The following PRKN variants were observed in gnomAD, a reference collection of about 807,000 sequenced individuals.
The protein encoded by PRKN is E3 ubiquitin-protein ligase parkin.
Under a neutral mutation model 59.5 loss-of-function variants are expected in PRKN, and 56 were observed. The ratio of observed to expected loss-of-function variants is 0.94; its 90% CI spans 0.76 to 1.18. The LOEUF (loss-of-function observed/expected upper bound fraction) is 1.18. Among genes scored for constraint, PRKN ranks in the 50% most tolerant of loss-of-function variants. The pLI is 0.00. For missense variants in PRKN, 657 were observed against 596.4 expected (o/e 1.10, Z -1.06); for synonymous variants, 250 against 222.1 (o/e 1.13, Z -1.12).
intron 2 of PRKN, among the ~76,000 whole-genome samples, chr6:162,323,040 G>T (rs4351229): frequency 0.082 from 10,979 of 134,654 alleles, 454 homozygotes; most frequent in East Asian, 0.12. Flanking sequence ...ATGGACACAG[G>T]CAGGGGAATA....
At chr6:162,568,295 G>A (rs1247534711) in intron 1 of PRKN, 3 of 270,344 alleles carry the variant, frequency 1.1e-5, no homozygotes, top group Admixed American at 4.5e-5. Flanking sequence ...AAAAGCTTCT[G>A]CACAGTGACC....
intron 4 of PRKN, among the ~76,000 whole-genome samples, chr6:162,063,870 T>C (rs1350734735): frequency 1.3e-5 from 2 of 152,184 alleles, no homozygotes; most frequent in African/African-American, 4.8e-5. Flanking sequence ...ACGTTAAACA[T>C]ATAGTTAAAC....
chr6:162,297,625 A>G (rs929538367), intron 2 of PRKN, among the ~76,000 whole-genome samples: 1 of 152,186 alleles, frequency 6.6e-6, no homozygotes, highest in Non-Finnish European at 1.5e-5. Context: ...TAACATGAAC[A>G]CATTTAATCT....
intron 6 of PRKN, among the ~76,000 whole-genome samples, chr6:161,875,816 C>T (rs1794712199): frequency 6.6e-6 from 1 of 152,114 alleles, no homozygotes; most frequent in Non-Finnish European, 1.5e-5. Context: ...AGGATCTTGA[C>T]CTCGAACTCA....
intron 4 of PRKN, among the ~76,000 whole-genome samples, chr6:162,143,574 G>A (rs924222537): frequency 6.6e-6 from 1 of 152,144 alleles, no homozygotes; most frequent in African/African-American, 2.4e-5. Context: ...CCTAGCAGGT[G>A]AATACAATTC....
At chr6:162,209,790 A>G (rs1486516033) in intron 3 of PRKN, among the ~76,000 whole-genome samples, 1 of 152,186 alleles carries the variant, frequency 6.6e-6, no homozygotes, top group Non-Finnish European at 1.5e-5. Context: ...AAAAAGAATG[A>G]GTTCATGTCC....
At chr6:161,537,588 A>T (rs1246527491) in intron 9 of PRKN, among the ~76,000 whole-genome samples, 4 of 151,884 alleles carry the variant, frequency 2.6e-5, no homozygotes, top group Non-Finnish European at 5.9e-5. Flanking sequence ...AGTAGCTGGG[A>T]CTACAGGCAC....
chr6:161,455,662 G>A (rs567866207), intron 9 of PRKN, among the ~76,000 whole-genome samples: 1 of 152,008 alleles, frequency 6.6e-6, no homozygotes, highest in Non-Finnish European at 1.5e-5. Context: ...TCAGGAGACC[G>A]AGACCATCTT....
rs539938070 is a variant in PRKN, at chr6:162,107,413, C to T, written c.535-53239G>A. Among the ~76,000 whole-genome samples the T allele has an allele frequency of 6.6e-5, 10 of 152,264 alleles. No homozygotes were observed. In the East Asian group the frequency reaches 1.9e-3, roughly 29 times the overall value. On this transcript the variant is annotated intron_variant, in intron 4 of 11. Transcript: ENST00000366898. ...GCAGGAGGTGGAGGTTGCAGTGAGC[C>T]GAGATCGCACCTCTGTACTCCAGCC...
chr6:161,809,875 T>A (rs1479268432), intron 6 of PRKN, among the ~76,000 whole-genome samples: 1 of 152,248 alleles, frequency 6.6e-6, no homozygotes, highest in Non-Finnish European at 1.5e-5. Context: ...TCTAAACAAG[T>A]GTGCCTGTTT....
intron 1 of PRKN, chr6:162,568,484 G>A: frequency 1.5e-6 from 1 of 664,786 alleles, no homozygotes; most frequent in African/African-American, 1.8e-5. Context: ...CCGGCGGCAT[G>A]GGAGGCATCA....
intron 6 of PRKN, among the ~76,000 whole-genome samples, chr6:161,870,984 A>G (rs940342867): frequency 6.6e-6 from 1 of 151,922 alleles, no homozygotes; most frequent in African/African-American, 2.4e-5. Flanking sequence ...GTAATCATCT[A>G]CTCTTCAGAG....
chr6:161,723,894 A>G (rs1490354711), intron 7 of PRKN, among the ~76,000 whole-genome samples: 1 of 152,174 alleles, frequency 6.6e-6, no homozygotes, highest in Non-Finnish European at 1.5e-5. Flanking sequence ...CAGGGAAGAC[A>G]GAGAACAGTA....
intron 3 of PRKN, among the ~76,000 whole-genome samples, chr6:162,234,119 G>C (rs1778539992): frequency 6.6e-6 from 1 of 152,118 alleles, no homozygotes; most frequent in Admixed American, 6.5e-5. Flanking sequence ...ACATAGGATG[G>C]GGGAAAAAAG....
chr6:161,494,863 A>G (rs523995), intron 9 of PRKN, among the ~76,000 whole-genome samples: 121,501 of 152,044 alleles, frequency 0.8, 48,864 homozygotes, highest in Middle Eastern at 0.89. Flanking sequence ...TCTAGGATTC[A>G]TCCCCAGCCT....
chr6:161,898,431 A>G (rs9458414), intron 6 of PRKN, among the ~76,000 whole-genome samples: 119,622 of 152,072 alleles, frequency 0.79, 47,217 homozygotes, highest in Non-Finnish European at 0.81. Flanking sequence ...TTTCATCTAC[A>G]TAATTTTTAT....
intron 5 of PRKN, among the ~76,000 whole-genome samples, chr6:162,035,327 C>A (rs969657758): frequency 6.6e-6 from 1 of 152,154 alleles, no homozygotes; most frequent in African/African-American, 2.4e-5. Context: ...ACCTCCAACA[C>A]TGGGGATTAA....
chr6:162,009,976 T>A (rs1242460300), intron 5 of PRKN, among the ~76,000 whole-genome samples: 5 of 151,458 alleles, frequency 3.3e-5, no homozygotes, highest in Non-Finnish European at 1.5e-5. Context: ...TAGGTGTACT[T>A]GTAAAAGTTG....
intron 2 of PRKN, among the ~76,000 whole-genome samples, chr6:162,402,531 C>A (rs1348230853): frequency 6.6e-6 from 1 of 151,752 alleles, no homozygotes; most frequent in Admixed American, 6.6e-5. Context: ...TAGGCTGACC[C>A]CCAAAAAAGG....
Sources: allele counts gnomAD v4.1 joint callset (sites outside exome capture counted in the v4.1 genomes callset), GRCh38; gene constraint gnomAD v4.1.1; transcripts MANE v1.5; gene names NCBI Gene and HGNC (gene_info 2026-07-23, HGNC 2026-07-21).